Variants in LIG1 observed in about 807,000 individuals in gnomAD.
The protein encoded by LIG1 is DNA ligase 1.
LIG1 carries 70 observed loss-of-function variants against 115.7 expected under a neutral mutation model. The observed-to-expected ratio is 0.60, with a 90% CI of 0.50 to 0.74. The LOEUF (loss-of-function observed/expected upper bound fraction) is 0.74, where lower values mean the gene tolerates loss of function less well. Among genes scored for constraint, LIG1 ranks in the 30% least tolerant of loss-of-function variants. The pLI is 0.00. For missense variants in LIG1, 1,115 were observed against 1,225.6 expected, an observed-to-expected ratio of 0.91 and a Z score of 1.35; for synonymous variants, 487 against 495.3, an observed-to-expected ratio of 0.98 and a Z score of 0.22.
chr19:48,137,811 CCT>C lies in LIG1; in HGVS notation c.1088-125_1088-124del, dbSNP rs1222036710. ...TGCTTGTGGCGAGTCCCTGCACCTC[CCT>C]GTGTCTAACGCTCACCCACTTGGTA... On this transcript the variant is annotated intron_variant, in intron 12 of 27. Transcript: ENST00000263274. This position sits in a 1 kb window ranked among gnomAD's most constrained non-coding sequence, Gnocchi z 4.3. 2 of 1,238,198 alleles carry C rather than the reference CCT, an allele frequency of 1.6e-6. No individual in the cohort carries two copies. The highest frequency in any genetic ancestry group is 1.5e-5 in the African/African-American group (1 of 67,412). The allele number at this position is 1,238,198 out of a possible 1,614,324, so 76.7% of individuals were successfully genotyped here. A position where few individuals can be genotyped will look rare whatever the true frequency, so the allele number is the denominator to read the frequency against.
intron 19 of LIG1, among the ~76,000 whole-genome samples, chr19:48,128,704 G>A (rs928126160): frequency 1.3e-5 from 2 of 152,224 alleles, no homozygotes; most frequent in African/African-American, 4.8e-5. Context: ...TGCCCAAGCC[G>A]GGGGCAGCAT....
At chr19:48,147,131 G>A (rs953796840) in intron 9 of LIG1, 3 of 152,174 alleles carry the variant, frequency 2.0e-5, no homozygotes, top group Admixed American at 6.5e-5. Context: ...ATTTCTTGTC[G>A]TTATCTGTTT....
chr19:48,143,949 G>C lies in LIG1; in HGVS notation c.791C>G (p.Ser264Cys). 1.9e-6 allele frequency: 3 copies of C among 1,613,966 alleles called. No individual in the cohort carries two copies. The highest frequency in any genetic ancestry group is 2.5e-6 in the Non-Finnish European group (3 of 1,179,852). ...GTTGTTCTTGGCAGGATTGTAACCA[G>C]ATGGATCCAGGGGTCTACGGAGGCA... ...EGAAEGPLDP[S>C]GYNPAKNNYH... The change falls in exon 10 of 28, where the codon TCT becomes TGT. Residue 264 changes from serine (S) to cysteine (C), a missense_variant. Ser to Cys is a moderately radical substitution (Grantham distance 112). Coordinates refer to ENST00000263274, the MANE Select transcript of LIG1 (RefSeq NM_000234.3).
At chr19:48,163,621 G>A (rs978509886) in intron 2 of LIG1, among the ~76,000 whole-genome samples, 57 of 152,168 alleles carry the variant, frequency 3.7e-4, no homozygotes, top group African/African-American at 1.3e-3. Flanking sequence ...CTCTGGTGAA[G>A]GGCAGAAATA....
In LIG1 at chr19:48,143,408, T is replaced by A. The variant is rs572509380; in HGVS notation, c.914+135A>T. The A allele has an allele frequency of 8.3e-6, 7 of 841,752 alleles. No homozygotes were observed. In the South Asian group the frequency reaches 9.3e-5, roughly 11 times the overall value. The allele number at this position is 841,752 out of a possible 1,614,324, so 52.1% of individuals were successfully genotyped here. A position where few individuals can be genotyped will look rare whatever the true frequency, so the allele number is the denominator to read the frequency against. On this transcript the variant is annotated intron_variant, in intron 11 of 27. Transcript: ENST00000263274. ...GCCGCTTTTGTGACCATGTCTGACA[T>A]CCATGATCATACGCCCGAGCGGGGT...
chr19:48,143,656 C>A (rs376910537), intron 10 of LIG1, 57 bp from the exon 11 acceptor site: 3 of 1,468,208 alleles, frequency 2.0e-6, no homozygotes, highest in South Asian at 2.3e-5. Context: ...CCATGCTGCC[C>A]GTCTGCACCC....
At chr19:48,127,767 G>T in intron 20 of LIG1, 143 bp downstream of exon 20, 1 of 793,308 alleles carries the variant, frequency 1.3e-6, no homozygotes, top group Non-Finnish European at 2.3e-6. Flanking sequence ...TGGAGCTGTG[G>T]CAGCCATTCT....
At chr19:48,143,783 GGAGA>G in intron 10 of LIG1, 96 bp downstream of exon 10, 2 of 1,171,200 alleles carry the variant, frequency 1.7e-6, no homozygotes, top group East Asian at 4.7e-5. Context: ...AACACAGGAG[GGAGA>G]GACTTGACCA....
In LIG1 at chr19:48,137,570, G is replaced by A. The variant is rs746730018; in HGVS notation, c.1206C>T (p.Ser402=). The change falls in exon 13 of 28, where the codon TCC becomes TCT. Residue 402 remains serine (S), a synonymous_variant. Transcript: ENST00000263274. The surrounding 1 kb of genome is among the most constrained non-coding windows in gnomAD (Gnocchi z 4.3). The part of the protein sequence containing the change: ...LMLPPPPLTA[S]GVFSKFRDIA... ...TGTCGCGGAACTTGCTGAAGACCCC[G>A]GAGGCAGTGAGCGGAGGTGGTGGCA... 2.0e-5 allele frequency: 33 copies of A among 1,613,342 alleles called. No homozygotes were observed. Among genetic ancestry groups the A allele is most frequent in the East Asian group, 6.7e-5 (3 of 44,892 alleles).
At chr19:48,157,608 G>A (rs1417880386) in intron 4 of LIG1, among the ~76,000 whole-genome samples, 9 of 152,060 alleles carry the variant, frequency 5.9e-5, no homozygotes, top group South Asian at 2.1e-4. Context: ...GCAGTGGCGC[G>A]ATCTCGGCTC....
chr19:48,165,412 A>G, intron 2 of LIG1, 138 bp downstream of exon 2: 1 of 760,160 alleles, frequency 1.3e-6, no homozygotes, highest in Non-Finnish European at 2.3e-6. Context: ...TTTCCATACT[A>G]CTTGACTCCT....
chr19:48,122,822 A>C lies in LIG1; in HGVS notation c.2232+112T>G, dbSNP rs2033384831. The C allele has an allele frequency of 2.1e-6, 2 of 969,582 alleles. No individual in the cohort carries two copies. The highest frequency in any genetic ancestry group is 3.4e-5 in the Admixed American group (2 of 59,058). 60.1% of individuals were successfully genotyped at this position (969,582 alleles called of 1,614,324 possible). ...AGGGGGCTGGGGTGGGATTGTGAAAAGGGGCCCTGAGCTCAGACAGGGTAC... is the reference window on the plus strand; with the variant it reads ...AGGGGGCTGGGGTGGGATTGTGAAACGGGGCCCTGAGCTCAGACAGGGTAC... On this transcript the variant is annotated intron_variant, in intron 23 of 27. Transcript: ENST00000263274. This position sits in a 1 kb window ranked among gnomAD's most constrained non-coding sequence, Gnocchi z 4.3.
intron 6 of LIG1, among the ~76,000 whole-genome samples, chr19:48,152,803 T>C (rs181529955): frequency 2.0e-5 from 3 of 152,284 alleles, no homozygotes; most frequent in African/African-American, 7.2e-5. Context: ...AAAATCAACA[T>C]AGAACAGGAA....
chr19:48,161,179 G>A (rs980182345), intron 4 of LIG1, 193 bp downstream of exon 4: 6 of 713,378 alleles, frequency 8.4e-6, no homozygotes, highest in Non-Finnish European at 1.5e-5. Context: ...ACGTGGTGAA[G>A]GAGCCCACCC....
At chr19:48,121,725 C>T (rs879840194) in intron 23 of LIG1, among the ~76,000 whole-genome samples, 14 of 152,142 alleles carry the variant, frequency 9.2e-5, no homozygotes, top group Admixed American at 6.5e-4. Context: ...CGCTTGAACC[C>T]GGGAGGCGGA....
At chr19:48,142,451 A>AAAAAAAAAAAAAAAAAAAAC (rs1353351417) in intron 11 of LIG1, among the ~76,000 whole-genome samples, 30 of 150,436 alleles carry the variant, frequency 2.0e-4, no homozygotes, top group Non-Finnish European at 3.7e-4. Flanking sequence ...TCAAAAAAAA[A>AAAAAAAAAAAAAAAAAAAAC]AAAAAACAGA....
chr19:48,161,826 C>CTTT (rs34448490), intron 3 of LIG1, among the ~76,000 whole-genome samples: 12 of 123,478 alleles, frequency 9.7e-5, no homozygotes, highest in Middle Eastern at 5.3e-3. Flanking sequence ...ATTGGGATGC[C>CTTT]TTTTTTTTTT....
intron 11 of LIG1, among the ~76,000 whole-genome samples, chr19:48,141,296 A>T (rs2060233): frequency 0.3 from 45,426 of 151,496 alleles, 7,760 homozygotes; most frequent in East Asian, 0.55. Flanking sequence ...TGCCCGGCTA[A>T]TTTTTTTTAA....
intron 4 of LIG1, among the ~76,000 whole-genome samples, chr19:48,157,623 CA>C (rs2035933728): frequency 1.3e-5 from 2 of 152,162 alleles, no homozygotes; most frequent in Non-Finnish European, 2.9e-5. Context: ...CGGCTCACTG[CA>C]ACCTCTGCCT....
Sources: allele counts gnomAD v4.1 joint callset (sites outside exome capture counted in the v4.1 genomes callset), GRCh38; gene constraint gnomAD v4.1.1; non-coding constraint Gnocchi (gnomAD v3.1); transcripts MANE v1.5; gene names NCBI Gene and HGNC (gene_info 2026-07-23, HGNC 2026-07-21).